The following KCNIP4 variants were observed in gnomAD, a reference collection of about 807,000 sequenced individuals.
The protein encoded by KCNIP4 is potassium voltage-gated channel interacting protein 4, also known as Kv channel-interacting protein 4.
Under a neutral mutation model 34.0 loss-of-function variants are expected in KCNIP4, and 12 were observed. That is an observed-to-expected ratio of 0.35 (90% CI 0.23 to 0.57). The LOEUF is 0.57. KCNIP4 is among the 20% of genes least tolerant of loss of function. The probability of loss-of-function intolerance (pLI) is 0.83; values close to 1 mark genes in which losing one functional copy is unlikely to be tolerated. For missense variants in KCNIP4, 238 were observed against 311.7 expected (o/e 0.76, Z 1.78); for synonymous variants, 124 against 102.2 (o/e 1.21, Z -1.29).
chr4:21,672,207 A>G (rs1005546453), intron 1 of KCNIP4, among the ~76,000 whole-genome samples: 2 of 152,156 alleles, frequency 1.3e-5, no homozygotes, highest in African/African-American at 4.8e-5. Context: ...GGTGCAGCAA[A>G]CCACCATAGC....
At chr4:21,279,132 G>A (rs1762618141) in intron 1 of KCNIP4, among the ~76,000 whole-genome samples, 1 of 152,170 alleles carries the variant, frequency 6.6e-6, no homozygotes, top group African/African-American at 2.4e-5. Context: ...TGGTGGAAAC[G>A]TAATATGGCT....
At chr4:21,650,435 T>C (rs1402724221) in intron 1 of KCNIP4, among the ~76,000 whole-genome samples, 2 of 152,208 alleles carry the variant, frequency 1.3e-5, no homozygotes, top group Non-Finnish European at 2.9e-5. Context: ...ATAAAAACAC[T>C]TGTTCCAATG....
intron 3 of KCNIP4, among the ~76,000 whole-genome samples, chr4:20,846,794 A>G (rs553482138): frequency 6.6e-6 from 1 of 152,278 alleles, no homozygotes; most frequent in South Asian, 2.1e-4. Context: ...AGCACCTTGT[A>G]TATGTTATAT....
At chr4:21,134,929 C>T (rs1751386661) in intron 1 of KCNIP4, among the ~76,000 whole-genome samples, 2 of 152,218 alleles carry the variant, frequency 1.3e-5, no homozygotes, top group Non-Finnish European at 2.9e-5. Flanking sequence ...TTGACCTAGG[C>T]ACCTGGCCCA....
At chr4:21,825,918 G>T (rs1722653933) in intron 1 of KCNIP4, among the ~76,000 whole-genome samples, 1 of 152,136 alleles carries the variant, frequency 6.6e-6, no homozygotes, top group African/African-American at 2.4e-5. Context: ...GACCCCTTAG[G>T]GAGATGACAT....
chr4:21,225,755 G>A (rs961566384), intron 1 of KCNIP4, among the ~76,000 whole-genome samples: 2 of 152,088 alleles, frequency 1.3e-5, no homozygotes, highest in East Asian at 1.9e-4. Flanking sequence ...AAGAAAAATG[G>A]AGCCAGACTG....
chr4:21,581,993 A>G lies in KCNIP4; in HGVS notation c.61+366578T>C, dbSNP rs1294864421. On this transcript the variant is annotated intron_variant, in intron 1 of 8. Transcript: ENST00000382152. ...AGGGCATAGAAAGATAGAATAGACT[A>G]CATAGGGCATAGAAGAATAGAATAG... is the stretch of plus-strand genomic sequence containing the variant. 5 of 112,302 alleles carry G rather than the reference A, an allele frequency of 4.5e-5. 1 individual carries two copies. The highest frequency in any genetic ancestry group is 4.2e-4 in the Admixed American group (5 of 11,836). The allele number at this position is 112,302 out of a possible 1,614,324, so 7.0% of individuals were successfully genotyped here.
chr4:21,941,819 G>A (rs1181530352), intron 1 of KCNIP4, among the ~76,000 whole-genome samples: 1 of 152,138 alleles, frequency 6.6e-6, no homozygotes, highest in African/African-American at 2.4e-5. Flanking sequence ...TGAGCATGAA[G>A]GCCAAATGCT....
intron 1 of KCNIP4, among the ~76,000 whole-genome samples, chr4:20,969,450 C>T (rs894663885): frequency 3.9e-5 from 6 of 152,186 alleles, no homozygotes; most frequent in Admixed American, 1.3e-4. Flanking sequence ...AATCAATAGC[C>T]TGTCCTGACA....
In KCNIP4 at chr4:21,583,934, T is replaced by C. The variant is rs547351591; in HGVS notation, c.61+364637A>G. 3.3e-5 allele frequency among the ~76,000 whole-genome samples: 5 copies of C among 152,214 alleles called. No homozygotes were observed. In the South Asian group the frequency reaches 1.0e-3, roughly 32 times the overall value. On this transcript the variant is annotated intron_variant, in intron 1 of 8. Coordinates refer to ENST00000382152, the MANE Select transcript of KCNIP4 (RefSeq NM_025221.6). Reference sequence around the variant, plus strand: ...AAAATTTCTGTTCTTTTCTTGCATATGTTATTTATGAACATAAAACATGCC... The same window carrying C: ...AAAATTTCTGTTCTTTTCTTGCATACGTTATTTATGAACATAAAACATGCC...
At chr4:21,180,296 A>G (rs944387947) in intron 1 of KCNIP4, among the ~76,000 whole-genome samples, 1 of 152,192 alleles carries the variant, frequency 6.6e-6, no homozygotes, top group African/African-American at 2.4e-5. Context: ...ACTAGAGTTT[A>G]TGACTAGAAT....
intron 1 of KCNIP4, among the ~76,000 whole-genome samples, chr4:21,391,761 G>A (rs1722580365): frequency 6.6e-6 from 1 of 152,168 alleles, no homozygotes; most frequent in Admixed American, 6.6e-5. Context: ...TTCATCAGCT[G>A]TGCTAAATTC....
intron 1 of KCNIP4, among the ~76,000 whole-genome samples, chr4:21,915,304 A>T (rs981944704): frequency 2.0e-5 from 3 of 152,232 alleles, no homozygotes; most frequent in Non-Finnish European, 4.4e-5. Context: ...AAGGTAAAAA[A>T]GAGTGACACA....
chr4:20,857,473 G>A (rs564064608), intron 2 of KCNIP4, among the ~76,000 whole-genome samples: 1 of 145,186 alleles, frequency 6.9e-6, no homozygotes, highest in African/African-American at 2.7e-5. Context: ...AGGTTTAATT[G>A]TTTATTTTTC....
chr4:21,945,425 T>C (rs1250311896), intron 1 of KCNIP4, among the ~76,000 whole-genome samples: 2 of 152,184 alleles, frequency 1.3e-5, no homozygotes, highest in African/African-American at 4.8e-5. Flanking sequence ...GAAAAGCTTT[T>C]CATGGATTCA....
chr4:21,057,471 GC>G (rs1444078551), intron 1 of KCNIP4, among the ~76,000 whole-genome samples: 10 of 151,926 alleles, frequency 6.6e-5, no homozygotes, highest in African/African-American at 2.4e-4. Context: ...TCTACACAAA[GC>G]TTTTACACCT....
chr4:21,215,591 C>A (rs957207728), intron 1 of KCNIP4, among the ~76,000 whole-genome samples: 1 of 152,142 alleles, frequency 6.6e-6, no homozygotes, highest in Non-Finnish European at 1.5e-5. Context: ...TATACCATTT[C>A]ACTGTGATCT....
intron 1 of KCNIP4, among the ~76,000 whole-genome samples, chr4:21,509,908 A>T (rs780527903): frequency 9.9e-5 from 15 of 152,120 alleles, no homozygotes; most frequent in Middle Eastern, 6.8e-3. Context: ...ACTTGAGGTC[A>T]GGAGTTCGAG....
At chr4:20,837,976 C>T (rs1329750807) in intron 3 of KCNIP4, among the ~76,000 whole-genome samples, 2 of 151,850 alleles carry the variant, frequency 1.3e-5, no homozygotes, top group Admixed American at 6.6e-5. Flanking sequence ...AGGCATGAGA[C>T]ACCACGCCCG....
Sources: allele counts gnomAD v4.1 joint callset (sites outside exome capture counted in the v4.1 genomes callset), GRCh38; gene constraint gnomAD v4.1.1; transcripts MANE v1.5; gene names NCBI Gene and HGNC (gene_info 2026-07-23, HGNC 2026-07-21).